Variants in LRRC36 observed in about 807,000 individuals in gnomAD.
LRRC36 encodes leucine rich repeat containing 36.
A neutral mutation model predicts 81.1 loss-of-function variants in LRRC36; 62 were observed. The observed-to-expected ratio is 0.76, with a 90% CI of 0.62 to 0.94. The LOEUF (loss-of-function observed/expected upper bound fraction) is 0.94. Among genes scored for constraint, LRRC36 ranks in the 40% least tolerant of loss-of-function variants. LRRC36 has a pLI of 0.00. For synonymous variants in LRRC36, 334 were observed against 348.6 expected, an observed-to-expected ratio of 0.96 and a Z score of 0.47; for missense variants, 761 against 881.7, an observed-to-expected ratio of 0.86 and a Z score of 1.73.
At chr16:67,368,796 C>T (rs1005572964) in intron 8 of LRRC36, among the ~76,000 whole-genome samples, 17 of 152,144 alleles carry the variant, frequency 1.1e-4, no homozygotes, top group East Asian at 3.9e-4. Flanking sequence ...AGACAGATAG[C>T]GGTGGAGGTG....
At chr16:67,341,609 G>T (rs1431323456) in intron 1 of LRRC36, among the ~76,000 whole-genome samples, 2 of 151,630 alleles carry the variant, frequency 1.3e-5, no homozygotes, top group Non-Finnish European at 2.9e-5. Flanking sequence ...TGACATCCTT[G>T]TGCTATATTT....
At chr16:67,350,154 A>AG (rs1467277755) in intron 4 of LRRC36, 48 bp from the exon 5 acceptor site, 20 of 1,225,702 alleles carry the variant, frequency 1.6e-5, no homozygotes, top group Non-Finnish European at 1.2e-5. Flanking sequence ...TGATCTCAGA[A>AG]GCCTTTTTTT....
At position 67,367,282 on chromosome 16, in the gene LRRC36, T is replaced by A. The variant is rs757767286; in HGVS notation, c.1020T>A (p.Thr340=). The change falls in exon 8 of 14, where the codon ACT becomes ACA. Residue 340 remains threonine (T), a synonymous_variant. Transcript: ENST00000329956. ...LENYDSCYSQ[T]LSLHGSLGKR... is the part of the protein sequence containing the mutation. ...ATTATGACAGTTGTTATTCTCAAAC[T>A]CTATCCCTGCATGGAAGTCTTGGTA... is the stretch of plus-strand genomic sequence containing the variant. 6.2e-7 allele frequency: 1 copy of A among 1,614,166 alleles called. No individual in the cohort carries two copies. The highest frequency in any genetic ancestry group is 1.1e-5 in the South Asian group (1 of 91,074).
At chr16:67,328,731 A>G (rs1360081608) in intron 1 of LRRC36, among the ~76,000 whole-genome samples, 14 of 152,070 alleles carry the variant, frequency 9.2e-5, no homozygotes, top group Non-Finnish European at 1.5e-4. Flanking sequence ...AGTAGAGATA[A>G]CAGAATAATG....
At chr16:67,360,965 C>T (rs746855766) in intron 5 of LRRC36, among the ~76,000 whole-genome samples, 9 of 152,136 alleles carry the variant, frequency 5.9e-5, no homozygotes, top group East Asian at 1.9e-4. Context: ...ACCTCAAATC[C>T]CAGAATTATA....
Position 67,326,868 on chromosome 16 carries a change from G to T in LRRC36, c.6G>T (p.Ala2=). ...CAGGTGAGCGGCGGGCGGGGATGGCGGAGCAATGGGAGCTGGACGAGGAAG... is the reference window on the plus strand; with the variant it reads ...CAGGTGAGCGGCGGGCGGGGATGGCTGAGCAATGGGAGCTGGACGAGGAAG... M[A]EQWELDEEGI... Residue 2 remains alanine (A), a synonymous_variant, in exon 1 of 14, where the codon GCG becomes GCT. Transcript: ENST00000329956. 2.8e-6 allele frequency: 4 copies of T among 1,438,354 alleles called. No individual in the cohort carries two copies. Among genetic ancestry groups the T allele is most frequent in the Non-Finnish European group, 3.6e-6 (4 of 1,106,320 alleles). The allele number at this position is 1,438,354 out of a possible 1,614,324, so 89.1% of individuals were successfully genotyped here. A position where few individuals can be genotyped will look rare whatever the true frequency, so the allele number is the denominator to read the frequency against.
At chr16:67,326,984 G>A in intron 1 of LRRC36, 52 bp downstream of exon 1, 1 of 1,456,466 alleles carries the variant, frequency 6.9e-7, no homozygotes, top group Non-Finnish European at 9.0e-7. Flanking sequence ...CAGAAGCTGT[G>A]GAAAGAAAAC....
intron 6 of LRRC36, among the ~76,000 whole-genome samples, chr16:67,364,906 C>A (rs1478787267): frequency 2.6e-5 from 4 of 152,106 alleles, no homozygotes; most frequent in South Asian, 2.1e-4. Context: ...CCTAGTTATG[C>A]CTCAGATTAA....
rs778040701 is a variant in LRRC36 at position 67,347,585 on chromosome 16, A to T, written c.482A>T (p.Glu161Val). The T allele has an allele frequency of 6.2e-7, 1 of 1,608,138 alleles. No individual in the cohort carries two copies. The highest frequency in any genetic ancestry group is 8.5e-7 in the Non-Finnish European group (1 of 1,175,300). Residue 161 changes from glutamate to valine, a missense_variant, in exon 4 of 14, where the codon GAA (glutamate) becomes GTA (valine). This residue lies in a region of LRRC36 where 263 missense variants were observed against 279.3 expected (regional missense o/e 0.94). Coordinates refer to ENST00000329956, the MANE Select transcript of LRRC36 (RefSeq NM_018296.6). ...GNSENFLLEV[E>V]KSSREKTMKN... ...AGTGAAAATTTTCTTTTAGAGGTGG[A>T]AAAAAGGTAAGAAGATTCTTTACAA...
intron 5 of LRRC36, 26 bp from the exon 6 acceptor site, chr16:67,363,564 A>G (rs760841600): frequency 1.2e-6 from 2 of 1,612,186 alleles, no homozygotes; most frequent in Non-Finnish European, 1.7e-6. Flanking sequence ...TGAGTGCTTT[A>G]TTGTTTGCTT....
Position 67,365,327 on chromosome 16 carries a change from G to A in LRRC36, c.726G>A (p.Glu242=), listed in dbSNP as rs1433667458. 2 of 1,613,126 alleles carry A rather than the reference G, an allele frequency of 1.2e-6. No individual in the cohort carries two copies. Among genetic ancestry groups the A allele is most frequent in the East Asian group, 4.5e-5 (2 of 44,818 alleles). Residue 242 remains glutamate (E), a synonymous_variant, in exon 7 of 14, where the codon GAG becomes GAA. Transcript: ENST00000329956. ...GTQTQEVARR[E]MPSDNHQEDE... ...AGACACAGGAAGTAGCAAGAAGGGAGATGCCAAGTGACAATCACCAGGAAG... is the reference window on the plus strand; with the variant it reads ...AGACACAGGAAGTAGCAAGAAGGGAAATGCCAAGTGACAATCACCAGGAAG...
intron 1 of LRRC36, among the ~76,000 whole-genome samples, chr16:67,335,920 C>G (rs2037739790): frequency 6.6e-6 from 1 of 152,102 alleles, no homozygotes; most frequent in South Asian, 2.1e-4. Flanking sequence ...TTAGTAGAGA[C>G]AGGGTTTCTC....
chr16:67,368,569 A>C (rs1303651277), intron 8 of LRRC36, among the ~76,000 whole-genome samples: 1 of 152,208 alleles, frequency 6.6e-6, no homozygotes, highest in Non-Finnish European at 1.5e-5. Flanking sequence ...TCAGCAAAGA[A>C]AGTAGAGTGT....
chr16:67,367,880 G>A lies in LRRC36; in HGVS notation c.1195+423G>A, dbSNP rs187999318. Among the ~76,000 whole-genome samples the A allele has an allele frequency of 2.2e-3, 333 of 152,152 alleles. 1 individual carries two copies. Among genetic ancestry groups the A allele is most frequent in the African/African-American group, 5.2e-3 (217 of 41,526 alleles). ...AGCCTGGCCAACATGGTGAAACCCCGTCTCTACCAAAAATACACACACACA... is the reference window on the plus strand; with the variant it reads ...AGCCTGGCCAACATGGTGAAACCCCATCTCTACCAAAAATACACACACACA... On this transcript the variant is annotated intron_variant, in intron 8 of 13. Transcript: ENST00000329956.
intron 1 of LRRC36, among the ~76,000 whole-genome samples, chr16:67,332,019 T>G (rs2037519276): frequency 6.6e-6 from 1 of 152,052 alleles, no homozygotes; most frequent in African/African-American, 2.4e-5. Flanking sequence ...AAAGTTTTAT[T>G]TATTAGAAAC....
At chr16:67,347,691 C>T (rs1348999920) in intron 4 of LRRC36, 100 bp downstream of exon 4, 3 of 825,384 alleles carry the variant, frequency 3.6e-6, no homozygotes, top group African/African-American at 1.7e-5. Flanking sequence ...AAATTTCCCA[C>T]AAATTGTAAG....
At chr16:67,359,503 A>G (rs1272881871) in intron 5 of LRRC36, among the ~76,000 whole-genome samples, 1 of 152,170 alleles carries the variant, frequency 6.6e-6, no homozygotes, top group Non-Finnish European at 1.5e-5. Flanking sequence ...AATGACAGCT[A>G]TGGGGTTTCT....
At chr16:67,368,107 T>C (rs777792949) in intron 8 of LRRC36, among the ~76,000 whole-genome samples, 2 of 152,208 alleles carry the variant, frequency 1.3e-5, no homozygotes, top group Non-Finnish European at 2.9e-5. Context: ...ATCACTCTTC[T>C]GTTACTTATT....
Position 67,375,287 on chromosome 16 carries a change from G to C in LRRC36, c.1535G>C (p.Gly512Ala). ...SDLGSLHGLA[G>A]NHSPPISART... ...CTGGGTAGTTTGCACGGTTTGGCTG[G>C]AAACCACAGTCCCCCCATCTCTGCC... Residue 512 changes from glycine (G) to alanine (A), a missense_variant, in exon 10 of 14, where the codon GGA becomes GCA. By Grantham distance (60) the Gly-to-Ala change is moderately conservative. Transcript: ENST00000329956. 1 of 1,612,960 alleles carries C rather than the reference G, an allele frequency of 6.2e-7. No homozygotes were observed. The highest frequency in any genetic ancestry group is 1.1e-5 in the South Asian group (1 of 91,052).
Sources: gnomAD v4.1 joint callset for allele counts (sites outside exome capture counted in the v4.1 genomes callset) on GRCh38, gnomAD v4.1.1 for gene constraint, gnomAD v4.1.1 regional missense constraint, MANE v1.5 for transcripts, NCBI Gene and HGNC (gene_info 2026-07-23, HGNC 2026-07-21) for gene names.